The following CTDP1 variants were observed in gnomAD, a reference collection of about 807,000 sequenced individuals.
CTDP1 encodes CTD phosphatase 1.
A neutral mutation model predicts 91.8 loss-of-function variants in CTDP1; 47 were observed. The ratio of observed to expected loss-of-function variants is 0.51; its 90% CI spans 0.41 to 0.65. The LOEUF is 0.65. Among genes scored for constraint, CTDP1 ranks in the 30% least tolerant of loss-of-function variants. The pLI is 0.00. For missense variants in CTDP1, 1,272 were observed against 1,373.7 expected, an observed-to-expected ratio of 0.93 and a Z score of 1.17; for synonymous variants, 656 against 598.5, an observed-to-expected ratio of 1.10 and a Z score of -1.40.
chr18:79,679,723 G>C (rs1470741503), upstream of CTDP1: 7 of 508,994 alleles, frequency 1.4e-5, no homozygotes, highest in Non-Finnish European at 2.2e-5. Context: ...AGCCGGCTCC[G>C]GCCCCGCGCG....
At chr18:79,711,174 CATCTCTGTCAG>C (rs957503648) in intron 6 of CTDP1, among the ~76,000 whole-genome samples, 48 of 152,322 alleles carry the variant, frequency 3.2e-4, no homozygotes, top group African/African-American at 1.1e-3. Context: ...CTCTCTGCCT[CATCTCTGTCAG>C]ACGGCACTGA....
intron 1 of CTDP1, among the ~76,000 whole-genome samples, chr18:79,688,107 C>T (rs1160453154): frequency 6.6e-6 from 1 of 152,232 alleles, no homozygotes; most frequent in Non-Finnish European, 1.5e-5. Flanking sequence ...CCCACCTGTG[C>T]GTGTTCTCCA....
At chr18:79,700,437 T>C (rs575787926) in intron 4 of CTDP1, among the ~76,000 whole-genome samples, 12 of 152,204 alleles carry the variant, frequency 7.9e-5, no homozygotes, top group Non-Finnish European at 1.5e-4. Context: ...GAGAAAGTTT[T>C]AGTGGTCTGA....
intron 1 of CTDP1, among the ~76,000 whole-genome samples, chr18:79,681,992 G>C (rs972768931): frequency 3.9e-5 from 6 of 152,198 alleles, no homozygotes; most frequent in African/African-American, 9.7e-5. Context: ...CCCGTGCAGT[G>C]GGCGTGGGTG....
rs1305258889 is a variant in CTDP1, at chr18:79,715,255, C to T, written c.1795C>T (p.Arg599Cys). 1.2e-6 allele frequency: 2 copies of T among 1,610,382 alleles called. No homozygotes were observed. Among genetic ancestry groups the T allele is most frequent in the Non-Finnish European group, 1.7e-6 (2 of 1,178,422 alleles). ...HLIYLEEILV[R>C]VHTDYYAKYD... ...CATCTACCTGGAGGAGATCCTGGTC[C>T]GTGTACACACTGACTACTATGCCAA... The change falls in exon 8 of 13, where the codon CGT (arginine) becomes TGT (cysteine). Residue 599 changes from arginine (R) to cysteine (C), a missense_variant. Around this residue, in one of 3 missense-constraint regions of CTDP1, gnomAD observed 881 missense variants for 911.6 expected, o/e 0.97. Transcript: ENST00000613122.
chr18:79,744,955 G>A (rs761249832), intron 12 of CTDP1, among the ~76,000 whole-genome samples: 1 of 152,188 alleles, frequency 6.6e-6, no homozygotes, highest in African/African-American at 2.4e-5. Context: ...TGATGACAGT[G>A]TGCTGGGCCG....
At chr18:79,731,428 C>T (rs868043959) in intron 11 of CTDP1, among the ~76,000 whole-genome samples, 47 of 152,302 alleles carry the variant, frequency 3.1e-4, no homozygotes, top group Middle Eastern at 6.8e-3. Context: ...AGGGCTTCCC[C>T]GCCCCTCATG....
intron 10 of CTDP1, among the ~76,000 whole-genome samples, chr18:79,727,293 G>A (rs941662209): frequency 6.6e-6 from 1 of 152,232 alleles, no homozygotes; most frequent in African/African-American, 2.4e-5. Context: ...CCAGTTGTAC[G>A]TACATGGGTG....
Position 79,728,796 on chromosome 18 carries a change from G to A in CTDP1, c.2418-111G>A, listed in dbSNP as rs2086504226. 10 of 989,234 alleles carry A rather than the reference G, an allele frequency of 1.0e-5. No homozygotes were observed. The Admixed American group carries it at 1.2e-4, about 11-fold the overall frequency. The allele number at this position is 989,234 out of a possible 1,614,324, so 61.3% of individuals were successfully genotyped here. A position where few individuals can be genotyped will look rare whatever the true frequency, so the allele number is the denominator to read the frequency against. On this transcript the variant is annotated intron_variant, in intron 10 of 12. Transcript: ENST00000613122. ...ATCACGTTTTTCATACGTGTTCCCT[G>A]TTGGGGTGTGTGAGTGTTTACCTAG...
At chr18:79,747,438 C>T (rs373779338) in intron 12 of CTDP1, among the ~76,000 whole-genome samples, 13 of 152,354 alleles carry the variant, frequency 8.5e-5, no homozygotes, top group South Asian at 4.1e-4. Context: ...CGCTGGCTCT[C>T]CCTGGGCCCG....
chr18:79,748,607 G>A (rs760809665), intron 12 of CTDP1, among the ~76,000 whole-genome samples: 6 of 152,222 alleles, frequency 3.9e-5, no homozygotes, highest in Non-Finnish European at 7.3e-5. Context: ...CCTGCCCGCA[G>A]GTTTCTTGTG....
At chr18:79,751,308 G>GCAGGC (rs899824208) in intron 12 of CTDP1, among the ~76,000 whole-genome samples, 2 of 147,764 alleles carry the variant, frequency 1.4e-5, no homozygotes, top group Admixed American at 6.7e-5. Flanking sequence ...CACACAGAGG[G>GCAGGC]CAGGCCAGGG....
At chr18:79,747,821 ACC>A (rs2086911900) in intron 12 of CTDP1, among the ~76,000 whole-genome samples, 1 of 148,694 alleles carries the variant, frequency 6.7e-6, no homozygotes, top group Non-Finnish European at 1.5e-5. Flanking sequence ...GGCCACGGGA[ACC>A]CTGTGCCTGT....
intron 1 of CTDP1, chr18:79,685,597 C>T (rs1291299845): frequency 6.6e-6 from 1 of 152,142 alleles, no homozygotes; most frequent in African/African-American, 2.4e-5. Flanking sequence ...ATTCCAACAG[C>T]AACGGTATTG....
chr18:79,734,355 G>A (rs149904894), intron 11 of CTDP1, among the ~76,000 whole-genome samples: 86 of 152,368 alleles, frequency 5.6e-4, no homozygotes, highest in East Asian at 1.9e-4. Flanking sequence ...GGTAGGTGTC[G>A]TTCCCACATC....
chr18:79,714,453 T>G (rs1490585990), intron 7 of CTDP1, 38 bp from the exon 8 acceptor site: 1 of 1,605,494 alleles, frequency 6.2e-7, no homozygotes, highest in East Asian at 2.2e-5. Context: ...TGTTTAATGC[T>G]AAATTGCGGT....
chr18:79,712,003 A>G (rs1056641293), intron 6 of CTDP1, among the ~76,000 whole-genome samples: 5 of 152,142 alleles, frequency 3.3e-5, no homozygotes, highest in African/African-American at 1.2e-4. Flanking sequence ...GTCCCCACAG[A>G]CTGTGAGACC....
At chr18:79,679,585 C>A (rs2085308463), upstream of CTDP1, 1 of 471,180 alleles carries the variant, frequency 2.1e-6, no homozygotes, top group African/African-American at 2.0e-5. Context: ...AAGACCGTCA[C>A]TGGGACTGGG....
rs2086508894 is a variant in CTDP1 at position 79,728,980 on chromosome 18, C to T, written c.2491C>T (p.Pro831Ser). 5.6e-6 allele frequency: 9 copies of T among 1,614,162 alleles called. No homozygotes were observed. The highest frequency in any genetic ancestry group is 7.6e-6 in the Non-Finnish European group (9 of 1,180,046). ...CGCTCAGGACGGAGAGCAGCCTGGC[C>T]CTTCTAGAAGAAAGCGACAGCCCAG... ...PDAQDGEQPG[P>S]SRRKRQPSMS... is the part of the protein sequence containing the mutation. Residue 831 changes from proline (P) to serine (S), a missense_variant, in exon 11 of 13, where the codon CCT becomes TCT. Pro to Ser is a moderately conservative substitution (Grantham distance 74). Coordinates refer to ENST00000613122, the MANE Select transcript of CTDP1 (RefSeq NM_004715.5).
Sources: allele counts gnomAD v4.1 joint callset (sites outside exome capture counted in the v4.1 genomes callset), GRCh38; gene constraint gnomAD v4.1.1; regional missense constraint gnomAD v4.1.1; transcripts MANE v1.5; gene names NCBI Gene and HGNC (gene_info 2026-07-23, HGNC 2026-07-21).